The following SPAG16 variants were observed in gnomAD, a reference collection of about 807,000 sequenced individuals.
The protein encoded by SPAG16 is sperm-associated antigen 16 protein.
SPAG16 carries 86 observed loss-of-function variants against 80.4 expected under a neutral mutation model. The ratio of observed to expected loss-of-function variants is 1.07; its 90% CI spans 0.90 to 1.28. The LOEUF is 1.28. SPAG16 is among the 50% of genes most tolerant of loss of function. The probability of loss-of-function intolerance (pLI) is 0.00; values close to 1 mark genes in which losing one functional copy is unlikely to be tolerated. For missense variants in SPAG16, 870 were observed against 765.3 expected (o/e 1.14, Z -1.61); for synonymous variants, 294 against 265.9 (o/e 1.11, Z -1.03).
At chr2:213,527,690 C>T (rs1231981808) in intron 10 of SPAG16, among the ~76,000 whole-genome samples, 1 of 152,084 alleles carries the variant, frequency 6.6e-6, no homozygotes, top group African/African-American at 2.4e-5. Flanking sequence ...AAAAACTCAA[C>T]ACACAGAAAA....
At chr2:214,198,407 A>T (rs915829961) in intron 15 of SPAG16, among the ~76,000 whole-genome samples, 1 of 152,218 alleles carries the variant, frequency 6.6e-6, no homozygotes, top group Admixed American at 6.6e-5. Context: ...CTCCAGCTCC[A>T]TCCAAGTTTC....
intron 15 of SPAG16, among the ~76,000 whole-genome samples, chr2:214,219,601 T>C (rs2125771538): frequency 6.6e-6 from 1 of 152,286 alleles, no homozygotes; most frequent in Admixed American, 6.5e-5. Flanking sequence ...AGATAATTTA[T>C]TGAGTACCTG....
chr2:213,879,098 G>A (rs570997322), intron 11 of SPAG16, among the ~76,000 whole-genome samples: 113 of 151,670 alleles, frequency 7.5e-4, no homozygotes, highest in African/African-American at 2.6e-3. Context: ...CTCCAAATTT[G>A]TTCTTTTTGC....
chr2:213,437,234 T>C (rs1472386012), intron 9 of SPAG16, among the ~76,000 whole-genome samples: 4 of 152,238 alleles, frequency 2.6e-5, no homozygotes, highest in Non-Finnish European at 4.4e-5. Flanking sequence ...AGCATTGTTA[T>C]GAAAGGTAAG....
chr2:213,938,247 T>C (rs767571542), intron 12 of SPAG16, among the ~76,000 whole-genome samples: 1 of 152,042 alleles, frequency 6.6e-6, no homozygotes, highest in Non-Finnish European at 1.5e-5. Flanking sequence ...GTCTTAGTCC[T>C]CCTCAATGCT....
chr2:214,312,771 G>C (rs1480308990), intron 15 of SPAG16, among the ~76,000 whole-genome samples: 1 of 152,046 alleles, frequency 6.6e-6, no homozygotes. Flanking sequence ...TTATTTTTCT[G>C]AAGTATCATT....
At chr2:213,850,348 T>C (rs1181700118) in intron 10 of SPAG16, among the ~76,000 whole-genome samples, 1 of 152,200 alleles carries the variant, frequency 6.6e-6, no homozygotes, top group African/African-American at 2.4e-5. Context: ...AACAAATTTG[T>C]TTAATCCAAG....
chr2:214,058,538 G>C (rs1001280321), intron 13 of SPAG16, among the ~76,000 whole-genome samples: 2 of 152,090 alleles, frequency 1.3e-5, no homozygotes, highest in Non-Finnish European at 2.9e-5. Flanking sequence ...AAAAGTTTGA[G>C]ATACTGTGAG....
chr2:213,654,666 G>T (rs527553576), intron 10 of SPAG16, among the ~76,000 whole-genome samples: 1 of 150,354 alleles, frequency 6.7e-6, no homozygotes, highest in Non-Finnish European at 1.5e-5. Flanking sequence ...GAATTGAGCC[G>T]AGATTGCGCC....
At chr2:213,618,039 C>T (rs943726292) in intron 10 of SPAG16, among the ~76,000 whole-genome samples, 6 of 152,178 alleles carry the variant, frequency 3.9e-5, no homozygotes, top group Middle Eastern at 3.4e-3. Context: ...TTGTTTAATT[C>T]AATAACTTGT....
intron 14 of SPAG16, among the ~76,000 whole-genome samples, chr2:214,129,305 G>A (rs535125268): frequency 5.9e-5 from 9 of 152,282 alleles, no homozygotes; most frequent in African/African-American, 2.2e-4. Flanking sequence ...TTATGGGATA[G>A]AAATCGTCAA....
chr2:214,249,260 A>C (rs1370801300), intron 15 of SPAG16, among the ~76,000 whole-genome samples: 2 of 152,244 alleles, frequency 1.3e-5, no homozygotes, highest in Admixed American at 1.3e-4. Flanking sequence ...AAGTAGAGTT[A>C]TTTTGAAAGT....
At chr2:213,861,610 T>A (rs986424014) in intron 10 of SPAG16, among the ~76,000 whole-genome samples, 4 of 152,218 alleles carry the variant, frequency 2.6e-5, no homozygotes, top group Non-Finnish European at 5.9e-5. Flanking sequence ...TAATAGGTGC[T>A]TAACATTGGA....
At chr2:213,878,146 C>T (rs1395810186) in intron 11 of SPAG16, among the ~76,000 whole-genome samples, 1 of 152,046 alleles carries the variant, frequency 6.6e-6, no homozygotes, top group East Asian at 1.9e-4. Flanking sequence ...TACCTTCTTA[C>T]TAGTTTATAT....
chr2:214,340,748 A>G (rs908177268), intron 15 of SPAG16, among the ~76,000 whole-genome samples: 7 of 152,162 alleles, frequency 4.6e-5, no homozygotes, highest in African/African-American at 1.7e-4. Flanking sequence ...GGCTGTAATT[A>G]AGGTGCTGGC....
intron 10 of SPAG16, among the ~76,000 whole-genome samples, chr2:213,616,736 C>T (rs908855026): frequency 6.6e-6 from 1 of 152,128 alleles, no homozygotes; most frequent in Non-Finnish European, 1.5e-5. Flanking sequence ...CACTCTTGTA[C>T]ATTAAATATT....
At position 213,529,464 on chromosome 2, in the gene SPAG16, T is replaced by A. The variant is rs376052041; in HGVS notation, c.1070+39374T>A. ...TCTCCTTGGCCATGTGAGCCAGCTC[T>A]AGCACACTACTGCATTAACACACAG... On this transcript the variant is annotated intron_variant, in intron 10 of 15. Transcript: ENST00000331683. Among the ~76,000 whole-genome samples the A allele has an allele frequency of 3.9e-5, 6 of 152,322 alleles. No homozygotes were observed. In the East Asian group the frequency reaches 9.6e-4, roughly 24 times the overall value.
chr2:213,910,419 G>T (rs1165855113), intron 11 of SPAG16, among the ~76,000 whole-genome samples: 1 of 151,570 alleles, frequency 6.6e-6, no homozygotes, highest in Non-Finnish European at 1.5e-5. Flanking sequence ...GAGATAACAA[G>T]AGAATTTTTA....
At chr2:213,299,437 ATTT>A (rs11336075) in intron 3 of SPAG16, among the ~76,000 whole-genome samples, 16 of 146,732 alleles carry the variant, frequency 1.1e-4, no homozygotes, top group Admixed American at 1.4e-4. Context: ...CACCGAGCTA[ATTT>A]TTTTTTTTTT....
Sources: allele counts gnomAD v4.1 joint callset (sites outside exome capture counted in the v4.1 genomes callset), GRCh38; gene constraint gnomAD v4.1.1; transcripts MANE v1.5; gene names NCBI Gene and HGNC (gene_info 2026-07-23, HGNC 2026-07-21).